AGAP1: variants seen among roughly 807,000 people sequenced by gnomAD.
AGAP1 encodes ArfGAP with GTPase domain, ankyrin repeat and PH domain 1.
A neutral mutation model predicts 105.3 loss-of-function variants in AGAP1; 29 were observed. That is an observed-to-expected ratio of 0.28 (90% confidence interval 0.21 to 0.38). AGAP1 has a LOEUF of 0.38. Among genes scored for constraint, AGAP1 ranks in the 10% least tolerant of loss-of-function variants. The pLI is 1.00. For missense variants in AGAP1, 998 were observed against 1,165.1 expected (o/e 0.86, Z 2.09); for synonymous variants, 509 against 485.9 (o/e 1.05, Z -0.63).
rs1284902724 is a variant in AGAP1, at chr2:236,001,397, G to C, written c.1645+32774G>C. Among the ~76,000 whole-genome samples, 1 of 152,214 alleles carries C rather than the reference G, an allele frequency of 6.6e-6. No homozygotes were observed. The highest frequency in any genetic ancestry group is 1.5e-5 in the Non-Finnish European group (1 of 68,046). On this transcript the variant is annotated intron_variant, in intron 13 of 17. Transcript: ENST00000304032. This position sits in a 1 kb window ranked among gnomAD's most constrained non-coding sequence, Gnocchi z 4.7. Reference sequence around the variant, plus strand: ...ACCCAGTCTCTGTGTCCTCTGCACAGTAGGGAGCTGGGGAAGGTGTGTGGC... The same window carrying C: ...ACCCAGTCTCTGTGTCCTCTGCACACTAGGGAGCTGGGGAAGGTGTGTGGC...
intron 11 of AGAP1, among the ~76,000 whole-genome samples, chr2:235,920,428 G>A (rs1436750783): frequency 6.6e-6 from 1 of 152,138 alleles, no homozygotes; most frequent in Non-Finnish European, 1.5e-5. Flanking sequence ...GCATGCGCAT[G>A]GTGCCCCAAG....
At position 235,901,982 on chromosome 2, in the gene AGAP1, G is replaced by A. The variant is rs1471919690; in HGVS notation, c.1156-6756G>A. On this transcript the variant is annotated intron_variant, in intron 10 of 17. Coordinates refer to ENST00000304032, the MANE Select transcript of AGAP1 (RefSeq NM_001037131.3). This position sits in a 1 kb window ranked among gnomAD's most constrained non-coding sequence, Gnocchi z 4.3. The stretch of plus-strand genomic sequence containing the variant: ...TTAGAAATTCAAACAAAGAAAATAT[G>A]TAATCCATTTAAAATAACAATAAAC... Among the ~76,000 whole-genome samples the A allele has an allele frequency of 1.3e-5, 2 of 152,156 alleles. No homozygotes were observed. Among genetic ancestry groups the A allele is most frequent in the South Asian group, 4.1e-4 (2 of 4,822 alleles).
rs1340914106 is a variant in AGAP1 at position 235,905,212 on chromosome 2, T to A, written c.1156-3526T>A. 6.6e-6 allele frequency among the ~76,000 whole-genome samples: 1 copy of A among 152,234 alleles called. No individual in the cohort carries two copies. Among genetic ancestry groups the A allele is most frequent in the Non-Finnish European group, 1.5e-5 (1 of 68,044 alleles). The stretch of plus-strand genomic sequence containing the variant: ...AGGCTTAGTCACTATCTGATTAGCC[T>A]CATTTTAGAGCCCATAAGCAATAAA... On this transcript the variant is annotated intron_variant, in intron 10 of 17. Coordinates refer to ENST00000304032, the MANE Select transcript of AGAP1 (RefSeq NM_001037131.3). The surrounding 1 kb of genome is among the most constrained non-coding windows in gnomAD (Gnocchi z 4.2).
chr2:235,722,287 A>G (rs1406317844), intron 3 of AGAP1, among the ~76,000 whole-genome samples: 1 of 152,218 alleles, frequency 6.6e-6, no homozygotes, highest in Non-Finnish European at 1.5e-5. Context: ...CAAGGTGTTG[A>G]CGGGGTTGGT....
At chr2:235,820,032 T>C (rs537516555) in intron 9 of AGAP1, among the ~76,000 whole-genome samples, 1 of 151,972 alleles carries the variant, frequency 6.6e-6, no homozygotes, top group African/African-American at 2.4e-5. Flanking sequence ...GCCTCCCGGC[T>C]AGCTGAGATT....
intron 16 of AGAP1, among the ~76,000 whole-genome samples, chr2:236,111,778 C>G (rs1408699299): frequency 7.5e-6 from 1 of 133,062 alleles, no homozygotes; most frequent in Non-Finnish European, 1.6e-5. Flanking sequence ...GGCAACAGTG[C>G]GACTCTATCT....
rs774644683 is a variant in AGAP1, at chr2:235,888,050, C to T, written c.1155+4601C>T. On this transcript the variant is annotated intron_variant, in intron 10 of 17. Coordinates refer to ENST00000304032, the MANE Select transcript of AGAP1 (RefSeq NM_001037131.3). This position sits in a 1 kb window ranked among gnomAD's most constrained non-coding sequence, Gnocchi z 4.8. ...GCCGCTCACAGTCCACGTAAGGCTG[C>T]GCCCTGGTGCCACCACCAGCCTCCT... Among the ~76,000 whole-genome samples, 18 of 152,180 alleles carry T rather than the reference C, an allele frequency of 1.2e-4. No individual in the cohort carries two copies. The highest frequency in any genetic ancestry group is 2.9e-4 in the African/African-American group (12 of 41,444).
Position 235,608,268 on chromosome 2 carries a change from A to C in AGAP1, c.164-100911A>C, listed in dbSNP as rs1294107784. The stretch of plus-strand genomic sequence containing the variant: ...GTTGGCAAACATGCTGGATACTGTC[A>C]GAATCAGAGCAGGCTGGATCCATGG... On this transcript the variant is annotated intron_variant, in intron 1 of 17. Coordinates refer to ENST00000304032, the MANE Select transcript of AGAP1 (RefSeq NM_001037131.3). The surrounding 1 kb of genome is among the most constrained non-coding windows in gnomAD (Gnocchi z 5.4). 2.0e-5 allele frequency among the ~76,000 whole-genome samples: 3 copies of C among 152,210 alleles called. No individual in the cohort carries two copies. Among genetic ancestry groups the C allele is most frequent in the African/African-American group, 7.2e-5 (3 of 41,458 alleles).
Position 235,689,387 on chromosome 2 carries a change from C to G in AGAP1, c.164-19792C>G, listed in dbSNP as rs564440080. ...GCCCGTAGGGTCTCCAGCACAATAC[C>G]GGGTTAGTGAGCAGAAAGTAGTGCA... On this transcript the variant is annotated intron_variant, in intron 1 of 17. Transcript: ENST00000304032. The surrounding 1 kb of genome is among the most constrained non-coding windows in gnomAD (Gnocchi z 4.2). Among the ~76,000 whole-genome samples the G allele has an allele frequency of 6.6e-6, 1 of 152,218 alleles. No individual in the cohort carries two copies. Among genetic ancestry groups the G allele is most frequent in the African/African-American group, 2.4e-5 (1 of 41,456 alleles).
At chr2:235,722,116 C>A (rs1223459371) in intron 3 of AGAP1, among the ~76,000 whole-genome samples, 1 of 152,188 alleles carries the variant, frequency 6.6e-6, no homozygotes, top group Admixed American at 6.5e-5. Context: ...AAAGAGTAAA[C>A]CTCTTGTATA....
rs1300945728 is a variant in AGAP1, at chr2:236,061,895, A to G, written c.2114+12614A>G. Among the ~76,000 whole-genome samples, 4 of 150,700 alleles carry G rather than the reference A, an allele frequency of 2.7e-5. No homozygotes were observed. The highest frequency in any genetic ancestry group is 2.1e-4 in the South Asian group (1 of 4,774). On this transcript the variant is annotated intron_variant, in intron 16 of 17. Transcript: ENST00000304032. The surrounding 1 kb of genome is among the most constrained non-coding windows in gnomAD (Gnocchi z 4.1). ...ATGTCAATTTTGAAAAAAAAAAAAA[A>G]GGAATTTCCAAAGGAAAACAGATGA...
Position 235,747,751 on chromosome 2 carries a change from G to A in AGAP1, c.539-2603G>A, listed in dbSNP as rs767380070. Among the ~76,000 whole-genome samples the A allele has an allele frequency of 3.3e-5, 5 of 152,224 alleles. No homozygotes were observed. Among genetic ancestry groups the A allele is most frequent in the Non-Finnish European group, 7.3e-5 (5 of 68,048 alleles). Reference sequence around the variant, plus strand: ...GCCCGTGCTCGGCTGCTCTTTCAGGGGTTTGGCTTCCTGGGATGCCAGAGA... The same window carrying A: ...GCCCGTGCTCGGCTGCTCTTTCAGGAGTTTGGCTTCCTGGGATGCCAGAGA... On this transcript the variant is annotated intron_variant, in intron 5 of 17. Transcript: ENST00000304032. The surrounding 1 kb of genome is among the most constrained non-coding windows in gnomAD (Gnocchi z 5.0).
At chr2:235,571,368 G>C (rs1314136036) in intron 1 of AGAP1, among the ~76,000 whole-genome samples, 1 of 152,200 alleles carries the variant, frequency 6.6e-6, no homozygotes, top group African/African-American at 2.4e-5. Context: ...CAGTATGGTA[G>C]CCACAGGCCA....
chr2:235,506,525 A>G (rs1026811756), intron 1 of AGAP1, among the ~76,000 whole-genome samples: 3 of 152,168 alleles, frequency 2.0e-5, no homozygotes, highest in African/African-American at 2.4e-5. Flanking sequence ...TCTCAAAAAA[A>G]AAAAAAATTG....
intron 12 of AGAP1, among the ~76,000 whole-genome samples, chr2:235,948,307 G>A (rs573216054): frequency 7.3e-5 from 11 of 151,450 alleles, no homozygotes; most frequent in African/African-American, 1.7e-4. Flanking sequence ...CTCAGCCTCC[G>A]GAGAACCTGG....
intron 1 of AGAP1, among the ~76,000 whole-genome samples, chr2:235,606,754 G>C (rs1017321214): frequency 2.6e-5 from 4 of 152,086 alleles, no homozygotes; most frequent in Non-Finnish European, 5.9e-5. Context: ...ATCGAGACCA[G>C]TGTGGCCAAC....
chr2:235,926,175 C>A (rs571192547), intron 11 of AGAP1, among the ~76,000 whole-genome samples: 5 of 152,292 alleles, frequency 3.3e-5, no homozygotes, highest in African/African-American at 1.2e-4. Context: ...AATGAGATTA[C>A]ATATTAGACT....
At chr2:235,715,788 G>A (rs1309919392) in intron 2 of AGAP1, among the ~76,000 whole-genome samples, 1 of 152,130 alleles carries the variant, frequency 6.6e-6, no homozygotes, top group Non-Finnish European at 1.5e-5. Context: ...CCACACTGAG[G>A]TGGCAGCAAG....
chr2:235,707,703 A>G (rs1430258891), intron 1 of AGAP1, among the ~76,000 whole-genome samples: 1 of 146,584 alleles, frequency 6.8e-6, no homozygotes, highest in Non-Finnish European at 1.5e-5. Context: ...CCAGCCTGTG[A>G]CATGGTGGGT....
Sources: gnomAD v4.1 joint callset for allele counts (sites outside exome capture counted in the v4.1 genomes callset) on GRCh38, gnomAD v4.1.1 for gene constraint, Gnocchi (gnomAD v3.1) non-coding constraint, MANE v1.5 for transcripts, NCBI Gene and HGNC (gene_info 2026-07-23, HGNC 2026-07-21) for gene names.